The following ADAMTSL1 variants were observed in gnomAD, a reference collection of about 807,000 sequenced individuals.
ADAMTSL1 encodes the protein ADAMTS like 1, also known as ADAMTS-like protein 1.
ADAMTSL1 carries 126 observed loss-of-function variants against 201.8 expected under a neutral mutation model. The observed-to-expected ratio is 0.62, with a 90% CI of 0.54 to 0.72. The LOEUF is 0.72. Ranked by LOEUF, ADAMTSL1 falls within the 30% of genes least tolerant of loss-of-function variation. The pLI is 0.00. For synonymous variants in ADAMTSL1, 1,121 were observed against 903.4 expected (o/e 1.24, Z -4.32); for missense variants, 2,679 against 2,277.8 (o/e 1.18, Z -3.59).
intron 16 of ADAMTSL1, 140 bp downstream of exon 16, chr9:18,753,648 C>T: frequency 2.1e-6 from 2 of 939,314 alleles, no homozygotes; most frequent in Non-Finnish European, 3.3e-6. Context: ...TTAGTACTCC[C>T]CTAACCTGAT....
At chr9:18,425,688 T>C (rs530740211) in intron 2 of ADAMTSL1, among the ~76,000 whole-genome samples, 1 of 151,640 alleles carries the variant, frequency 6.6e-6, no homozygotes, top group East Asian at 1.9e-4. Context: ...AACCCATCTC[T>C]AAATAAGTTT....
chr9:18,325,284 G>A (rs1395258631), intron 2 of ADAMTSL1, among the ~76,000 whole-genome samples: 1 of 152,162 alleles, frequency 6.6e-6, no homozygotes, highest in Admixed American at 6.5e-5. Context: ...AAAAAGACAT[G>A]CACAAAGTGT....
chr9:18,287,513 T>A (rs1035940080), intron 2 of ADAMTSL1, among the ~76,000 whole-genome samples: 7 of 151,480 alleles, frequency 4.6e-5, no homozygotes, highest in Admixed American at 2.6e-4. Flanking sequence ...TGTGCACATA[T>A]GTAATATATT....
At chr9:18,738,715 A>G (rs1281696734) in intron 15 of ADAMTSL1, among the ~76,000 whole-genome samples, 1 of 152,236 alleles carries the variant, frequency 6.6e-6, no homozygotes, top group African/African-American at 2.4e-5. Context: ...AGGCTGCATG[A>G]AGCAAAACAA....
intron 13 of ADAMTSL1, among the ~76,000 whole-genome samples, chr9:18,701,212 C>CTTTTTTTTTTTTTTTTT: frequency 1.1e-5 from 1 of 87,698 alleles, no homozygotes. Context: ...CTTTTGGGTT[C>CTTTTTTTTTTTTTTTTT]TTTTTTTTTT....
At chr9:18,890,931 C>T (rs1829219607) in intron 25 of ADAMTSL1, 1 of 135,082 alleles carries the variant, frequency 7.4e-6, no homozygotes, top group Non-Finnish European at 1.3e-5. Flanking sequence ...TAATTTACTT[C>T]TGCAAATGAA....
intron 1 of ADAMTSL1, among the ~76,000 whole-genome samples, chr9:17,940,961 C>A (rs545748780): frequency 6.6e-6 from 1 of 151,906 alleles, no homozygotes; most frequent in Admixed American, 6.6e-5. Flanking sequence ...TTTCACATTT[C>A]CTACAAATCC....
chr9:18,273,705 G>C (rs1832475430), intron 2 of ADAMTSL1, among the ~76,000 whole-genome samples: 2 of 152,130 alleles, frequency 1.3e-5, no homozygotes, highest in African/African-American at 4.8e-5. Flanking sequence ...GCCAAATTCA[G>C]ATTCATTTCA....
chr9:18,347,908 T>C (rs948745690), intron 2 of ADAMTSL1, among the ~76,000 whole-genome samples: 2 of 152,130 alleles, frequency 1.3e-5, no homozygotes, highest in Non-Finnish European at 2.9e-5. Flanking sequence ...CCAAGGGCCT[T>C]GTGTTTCTTA....
intron 1 of ADAMTSL1, among the ~76,000 whole-genome samples, chr9:18,083,548 G>C (rs1400741275): frequency 1.3e-5 from 2 of 152,116 alleles, no homozygotes; most frequent in Non-Finnish European, 2.9e-5. Flanking sequence ...GTAATTTCAG[G>C]CTTAAACCTT....
At chr9:18,251,075 G>A (rs188693018) in intron 2 of ADAMTSL1, among the ~76,000 whole-genome samples, 4 of 151,936 alleles carry the variant, frequency 2.6e-5, no homozygotes, top group African/African-American at 9.7e-5. Flanking sequence ...TGTAATTAGG[G>A]TACCAAAATT....
rs578021911 is a variant in ADAMTSL1, at chr9:18,180,269, C to G, written c.207+16288C>G. Among the ~76,000 whole-genome samples the G allele has an allele frequency of 1.5e-3, 229 of 152,322 alleles. 1 individual carries two copies. Among genetic ancestry groups the G allele is most frequent in the African/African-American group, 5.2e-3 (218 of 41,578 alleles). ...GACTTTAAGGCCGGGCACGGTGGCT[C>G]ACGCCTGTAATCCCAGCACTTTGGG... On this transcript the variant is annotated intron_variant, in intron 2 of 29. Coordinates refer to the ADAMTSL1 transcript ENST00000680146.
chr9:18,173,162 A>G (rs2026902), intron 2 of ADAMTSL1, among the ~76,000 whole-genome samples: 48,859 of 152,074 alleles, frequency 0.32, 8,030 homozygotes, highest in Admixed American at 0.4. Flanking sequence ...GAGATATTTT[A>G]TAATGCATGT....
chr9:18,688,689 AAT>A (rs1554730405), intron 13 of ADAMTSL1, among the ~76,000 whole-genome samples: 16 of 8,652 alleles, frequency 1.8e-3, no homozygotes, highest in East Asian at 6.4e-3. Context: ...AAAAAAAAAA[AAT>A]ATATATATAT....
At chr9:18,493,221 T>A (rs747009302) in intron 1 of ADAMTSL1, among the ~76,000 whole-genome samples, 51 of 152,386 alleles carry the variant, frequency 3.3e-4, no homozygotes, top group Non-Finnish European at 6.0e-4. Context: ...TTAAAATGTG[T>A]GTTCAGATTT....
chr9:18,400,711 A>G (rs1008733585), intron 2 of ADAMTSL1, among the ~76,000 whole-genome samples: 2 of 152,190 alleles, frequency 1.3e-5, no homozygotes, highest in African/African-American at 4.8e-5. Context: ...TCTACAGACT[A>G]TCTTTGGGTT....
chr9:18,272,307 T>C (rs1225875776), intron 2 of ADAMTSL1, among the ~76,000 whole-genome samples: 2 of 152,024 alleles, frequency 1.3e-5, no homozygotes, highest in Non-Finnish European at 2.9e-5. Context: ...ATACTACACA[T>C]CTACAACTAT....
chr9:18,472,865 C>G (rs1821273162), upstream of ADAMTSL1, among the ~76,000 whole-genome samples: 2 of 152,230 alleles, frequency 1.3e-5, no homozygotes, highest in South Asian at 4.1e-4. Context: ...CTCTTTTATT[C>G]TTTCAAAACT....
intron 10 of ADAMTSL1, among the ~76,000 whole-genome samples, chr9:18,679,585 G>A (rs921878252): frequency 7.9e-5 from 12 of 152,134 alleles, no homozygotes; most frequent in Admixed American, 2.6e-4. Flanking sequence ...GATGCCATTA[G>A]CCTTCCAACT....
Sources: allele counts gnomAD v4.1 joint callset (sites outside exome capture counted in the v4.1 genomes callset), GRCh38; gene constraint gnomAD v4.1.1; transcripts MANE v1.5; gene names NCBI Gene and HGNC (gene_info 2026-07-23, HGNC 2026-07-21).